PTPN14: variants seen among roughly 807,000 people sequenced by gnomAD.
The protein encoded by PTPN14 is tyrosine-protein phosphatase non-receptor type 14.
PTPN14 carries 53 observed loss-of-function variants against 126.8 expected under a neutral mutation model. The observed-to-expected ratio is 0.42, with a 90% CI of 0.34 to 0.53. PTPN14 has a LOEUF of 0.53. PTPN14 is among the 20% of genes least tolerant of loss of function. The pLI is 0.08. For missense variants in PTPN14, 1,257 were observed against 1,552.9 expected (o/e 0.81, Z 3.20); for synonymous variants, 630 against 599.3 (o/e 1.05, Z -0.75).
chr1:214,414,837 C>T (rs540365204), intron 3 of PTPN14, 111 bp from the exon 4 acceptor site: 1 of 798,594 alleles, frequency 1.3e-6, no homozygotes. Context: ...CAGGACATGC[C>T]TGTGATGCTG....
intron 1 of PTPN14, among the ~76,000 whole-genome samples, chr1:214,481,940 T>C (rs1297436317): frequency 2.0e-5 from 3 of 148,484 alleles, no homozygotes; most frequent in Non-Finnish European, 4.4e-5. Flanking sequence ...CGAGCCCAGA[T>C]CACGCCACTG....
At chr1:214,536,110 C>T (rs1291406322) in intron 1 of PTPN14, among the ~76,000 whole-genome samples, 1 of 151,188 alleles carries the variant, frequency 6.6e-6, no homozygotes, top group Non-Finnish European at 1.5e-5. Flanking sequence ...CAAAAAAAGG[C>T]CAGGTACAGT....
In PTPN14 at chr1:214,383,725, A is replaced by T. The variant is rs1484899074; in HGVS notation, c.2130T>A (p.Ser710Arg). ...DATMLIHSSE[S>R]EEEEEEAPES... ...CTGGAGCCTCCTCCTCCTCCTCCTC[A>T]CTCTCGCTGCTGTGGATTAGCATAG... The change falls in exon 13 of 19, where the codon AGT becomes AGA. Residue 710 changes from serine (S) to arginine (R), a missense_variant. Ser to Arg is a moderately radical substitution (Grantham distance 110). Coordinates refer to ENST00000366956, the MANE Select transcript of PTPN14 (RefSeq NM_005401.5). This position sits in a 1 kb window ranked among gnomAD's most constrained non-coding sequence, Gnocchi z 4.4. The T allele has an allele frequency of 6.2e-7, 1 of 1,612,318 alleles. No homozygotes were observed. The highest frequency in any genetic ancestry group is 8.5e-7 in the Non-Finnish European group (1 of 1,179,728).
chr1:214,487,400 C>T (rs1285840393), intron 1 of PTPN14, among the ~76,000 whole-genome samples: 3 of 152,036 alleles, frequency 2.0e-5, no homozygotes, highest in Non-Finnish European at 2.9e-5. Flanking sequence ...CTGAGGTGGG[C>T]AGATCAGCTG....
rs183707842 is a variant in PTPN14, at chr1:214,414,880, A to G, written c.345-154T>C. Among the ~76,000 whole-genome samples the G allele has an allele frequency of 5.7e-3, 868 of 152,192 alleles. 2 individuals are homozygous for G. Among genetic ancestry groups the G allele is most frequent in the Non-Finnish European group, 8.8e-3 (599 of 68,024 alleles). On this transcript the variant is annotated intron_variant, in intron 3 of 18. Coordinates refer to ENST00000366956, the MANE Select transcript of PTPN14 (RefSeq NM_005401.5). ...TCATTTCTATAAAAGATGGAAAGTG[A>G]CCTCTGCCTGTGTTTATCTTTGTTT...
chr1:214,434,107 G>A (rs1000043791), intron 3 of PTPN14, among the ~76,000 whole-genome samples: 2 of 152,036 alleles, frequency 1.3e-5, no homozygotes, highest in African/African-American at 4.8e-5. Flanking sequence ...ACTCCAGCCT[G>A]GGCAACAGAG....
intron 1 of PTPN14, among the ~76,000 whole-genome samples, chr1:214,496,771 A>G (rs1033875414): frequency 6.6e-6 from 1 of 151,928 alleles, no homozygotes; most frequent in Non-Finnish European, 1.5e-5. Context: ...TTTTAACTTA[A>G]TATCTAATTT....
intron 3 of PTPN14, among the ~76,000 whole-genome samples, chr1:214,442,444 C>T (rs369243804): frequency 7.9e-5 from 12 of 152,156 alleles, no homozygotes; most frequent in African/African-American, 1.4e-4. Context: ...CTAAAACATA[C>T]GTATAAGCAT....
chr1:214,442,715 G>T (rs1660060527), intron 3 of PTPN14, among the ~76,000 whole-genome samples: 1 of 152,096 alleles, frequency 6.6e-6, no homozygotes, highest in Non-Finnish European at 1.5e-5. Context: ...TATGTTTACG[G>T]CTAAGTTAAC....
At chr1:214,495,349 AATTACCT>A (rs1218970978) in intron 1 of PTPN14, among the ~76,000 whole-genome samples, 1 of 152,212 alleles carries the variant, frequency 6.6e-6, no homozygotes, top group Admixed American at 6.5e-5. Context: ...AATGCCTAAT[AATTACCT>A]ATTACTGTAG....
At chr1:214,370,768 T>C (rs1171554666) in intron 16 of PTPN14, among the ~76,000 whole-genome samples, 1 of 149,466 alleles carries the variant, frequency 6.7e-6, no homozygotes, top group African/African-American at 2.5e-5. Flanking sequence ...GTGGAGGAGG[T>C]GGTAGCTGAG....
chr1:214,547,160 A>G (rs1409825193), intron 1 of PTPN14, among the ~76,000 whole-genome samples: 5 of 152,168 alleles, frequency 3.3e-5, no homozygotes, highest in Admixed American at 1.3e-4. Flanking sequence ...TTATTTTCAT[A>G]ATCAGCATGC....
Position 214,401,768 on chromosome 1 carries a change from T to G in PTPN14, c.586A>C (p.Ile196Leu). 1 of 1,580,426 alleles carries G rather than the reference T, an allele frequency of 6.3e-7. No homozygotes were observed. Among genetic ancestry groups the G allele is most frequent in the South Asian group, 1.1e-5 (1 of 89,646 alleles). ...VAQEHKAHSGILPAEAELMYI... is the reference protein window; with the variant it reads ...VAQEHKAHSGLLPAEAELMYI... ...ATCAGTTCAGCTTCTGCTGGCAGGA[T>G]TCCACTAAAATCAAAATAGCATCAA... is the stretch of plus-strand genomic sequence containing the variant. Residue 196 changes from isoleucine to leucine, a missense_variant, in exon 7 of 19, where the codon ATC becomes CTC. Transcript: ENST00000366956.
chr1:214,434,394 G>T (rs1178707118), intron 3 of PTPN14, among the ~76,000 whole-genome samples: 1 of 151,980 alleles, frequency 6.6e-6, no homozygotes, highest in Non-Finnish European at 1.5e-5. Context: ...GTGTCCTCTG[G>T]TAACCTTCAA....
chr1:214,503,935 T>TCTCATCATTTTGTACA (rs1269040508), intron 1 of PTPN14, among the ~76,000 whole-genome samples: 1 of 152,210 alleles, frequency 6.6e-6, no homozygotes, highest in Non-Finnish European at 1.5e-5. Flanking sequence ...TTCTTGGGAC[T>TCTCATCATTTTGTACA]CTCATCATTT....
Position 214,397,966 on chromosome 1 carries a change from G to T in PTPN14, c.705C>A (p.Phe235Leu). The T allele has an allele frequency of 6.2e-7, 1 of 1,613,030 alleles. No homozygotes were observed. Among genetic ancestry groups the T allele is most frequent in the Non-Finnish European group, 8.5e-7 (1 of 1,179,078 alleles). Reference protein sequence around the residue: ...NHGNCVHLGIFFMGIFVRNRI... With the variant: ...NHGNCVHLGILFMGIFVRNRI... ...TGTTCCTCACGAAAATCCCCATAAA[G>T]AAAATGCCAAGGTGTACACAGTTTC... is the stretch of plus-strand genomic sequence containing the variant. Residue 235 changes from phenylalanine (F) to leucine (L), a missense_variant, in exon 8 of 19, where the codon TTC becomes TTA. Coordinates refer to ENST00000366956, the MANE Select transcript of PTPN14 (RefSeq NM_005401.5).
chr1:214,493,589 A>G (rs1054195344), intron 1 of PTPN14, among the ~76,000 whole-genome samples: 1 of 152,236 alleles, frequency 6.6e-6, no homozygotes, highest in African/African-American at 2.4e-5. Flanking sequence ...AAGAGTCATC[A>G]CATTCCAATG....
At chr1:214,496,993 T>G (rs764910042) in intron 1 of PTPN14, among the ~76,000 whole-genome samples, 3 of 151,756 alleles carry the variant, frequency 2.0e-5, no homozygotes, top group Admixed American at 6.6e-5. Flanking sequence ...GTAAATAAGA[T>G]CCAAAACTGA....
At chr1:214,487,651 T>G (rs1661145136) in intron 1 of PTPN14, among the ~76,000 whole-genome samples, 1 of 149,326 alleles carries the variant, frequency 6.7e-6, no homozygotes, top group South Asian at 2.1e-4. Flanking sequence ...AAAAAACGAC[T>G]GTTACATCCA....
Sources: gnomAD v4.1 joint callset for allele counts (sites outside exome capture counted in the v4.1 genomes callset) on GRCh38, gnomAD v4.1.1 for gene constraint, Gnocchi (gnomAD v3.1) non-coding constraint, MANE v1.5 for transcripts, NCBI Gene and HGNC (gene_info 2026-07-23, HGNC 2026-07-21) for gene names.